Variants in THOC5 observed in about 807,000 individuals in gnomAD.
THOC5 encodes THO complex subunit 5, also known as Fms-interacting protein.
In THOC5, 43 loss-of-function variants were observed where a neutral mutation model predicts 92.9. That is an observed-to-expected ratio of 0.46 (90% CI 0.36 to 0.60). THOC5 has a LOEUF of 0.60. THOC5 is among the 20% of genes least tolerant of loss of function. The pLI, the probability that THOC5 is intolerant of heterozygous loss-of-function variation, is 0.00. For missense variants in THOC5, 659 were observed against 849.4 expected, an observed-to-expected ratio of 0.78 and a Z score of 2.79; for synonymous variants, 296 against 320.1, an observed-to-expected ratio of 0.92 and a Z score of 0.80.
chr22:29,548,161 C>T (rs549259660), intron 2 of THOC5, among the ~76,000 whole-genome samples: 1 of 152,252 alleles, frequency 6.6e-6, no homozygotes, highest in Non-Finnish European at 1.5e-5. Flanking sequence ...CTGGGAGATA[C>T]AATTCAAGTT....
At chr22:29,519,800 T>C (rs892963457) in intron 14 of THOC5, among the ~76,000 whole-genome samples, 1 of 151,974 alleles carries the variant, frequency 6.6e-6, no homozygotes, top group Admixed American at 6.6e-5. Flanking sequence ...ACCCAGCTAA[T>C]TTTTTGTATT....
chr22:29,530,738 T>G (rs143368421), intron 8 of THOC5, among the ~76,000 whole-genome samples: 19 of 151,994 alleles, frequency 1.3e-4, no homozygotes, highest in African/African-American at 4.6e-4. Context: ...CCTCATTGAG[T>G]GATGTCTTGA....
chr22:29,519,011 G>A lies in THOC5; in HGVS notation c.1484C>T (p.Ser495Phe). The A allele has an allele frequency of 1.3e-6, 2 of 1,598,950 alleles. No individual in the cohort carries two copies. Among genetic ancestry groups the A allele is most frequent in the Non-Finnish European group, 1.7e-6 (2 of 1,171,156 alleles). The change falls in exon 15 of 20, where the codon TCC becomes TTC. Residue 495 changes from serine (S) to phenylalanine (F), a missense_variant. Transcript: ENST00000490103. ...SRLALHKQFASLEHGIVPVTS... is the reference protein window; with the variant it reads ...SRLALHKQFAFLEHGIVPVTS... ...CTGCCCCATCATCAGCTTACCTAGGGATGCAAACTGTTTGTGGAGGGCCAG... is the reference window on the plus strand; with the variant it reads ...CTGCCCCATCATCAGCTTACCTAGGAATGCAAACTGTTTGTGGAGGGCCAG...
chr22:29,506,007 G>A lies in THOC5; in HGVS notation c.*2450C>T, dbSNP rs5763287. Reference sequence around the variant, plus strand: ...CCCGAGTGGCTGGGATTACAGGCGCGCACCACCATGCCCAGCTAATTTTTG... The same window carrying A: ...CCCGAGTGGCTGGGATTACAGGCGCACACCACCATGCCCAGCTAATTTTTG... On this transcript the variant is annotated 3_prime_UTR_variant, in exon 20 of 20. Coordinates refer to ENST00000490103, the MANE Select transcript of THOC5 (RefSeq NM_003678.5). The A allele has an allele frequency of 0.2, 29,961 of 151,740 alleles. 3,111 individuals carry two copies. The highest frequency in any genetic ancestry group is 0.24 in the Admixed American group (3,704 of 15,212). The allele number at this position is 151,740 out of a possible 1,614,324, so 9.4% of individuals were successfully genotyped here. A position where few individuals can be genotyped will look rare whatever the true frequency, so the allele number is the denominator to read the frequency against.
At chr22:29,513,222 C>T (rs143229446) in intron 17 of THOC5, among the ~76,000 whole-genome samples, 3 of 152,020 alleles carry the variant, frequency 2.0e-5, no homozygotes, top group African/African-American at 4.8e-5. Flanking sequence ...TGGTGGTGGG[C>T]GACTGTAGTC....
At chr22:29,537,980 T>TTATG in intron 6 of THOC5, among the ~76,000 whole-genome samples, 1 of 151,452 alleles carries the variant, frequency 6.6e-6, no homozygotes, top group East Asian at 1.9e-4. Context: ...ACTTGAAGCA[T>TTATG]TATTTATTTA....
intron 7 of THOC5, chr22:29,534,542 T>G (rs911680490): frequency 7.6e-4 from 72 of 94,312 alleles, no homozygotes; most frequent in African/African-American, 2.1e-3. Flanking sequence ...TTTTCTTCTG[T>G]TTTTTTTTTT....
rs764331730 is a variant in THOC5 at position 29,517,048 on chromosome 22, C to A, written c.1662G>T (p.Ala554=). The change falls in exon 17 of 20, where the codon GCG becomes GCT. Residue 554 remains alanine (A), a synonymous_variant. Transcript: ENST00000490103. ...LAGDTNLYYM[A]LIERGTAKLQ... ...AATTACCTGTGCCCCTTTCGATGAG[C>A]GCCATGTAGTAGAGATTGGTGTCCC... is the stretch of plus-strand genomic sequence containing the variant. 1 of 1,614,160 alleles carries A rather than the reference C, an allele frequency of 6.2e-7. No individual in the cohort carries two copies. Among genetic ancestry groups the A allele is most frequent in the East Asian group, 2.2e-5 (1 of 44,868 alleles).
In THOC5 at chr22:29,512,059, T is replaced by G; in HGVS notation, c.1759A>C (p.Lys587Gln). 1 of 1,614,094 alleles carries G rather than the reference T, an allele frequency of 6.2e-7. No homozygotes were observed. Among genetic ancestry groups the G allele is most frequent in the Non-Finnish European group, 8.5e-7 (1 of 1,179,998 alleles). Residue 587 changes from lysine (K) to glutamine (Q), a missense_variant, in exon 18 of 20, where the codon AAA becomes CAA. Coordinates refer to ENST00000490103, the MANE Select transcript of THOC5 (RefSeq NM_003678.5). ...PPVFQLCLNW[K>Q]GEKTNSNDDN... ...TCGTTGCTGTTGGTTTTCTCCCCTT[T>G]CCAGTTCAAACAGAGCTGGAAAACA... is the stretch of plus-strand genomic sequence containing the variant.
chr22:29,511,380 G>A, intron 18 of THOC5, 84 bp from the exon 19 acceptor site: 1 of 1,472,570 alleles, frequency 6.8e-7, no homozygotes, highest in Middle Eastern at 2.5e-4. Flanking sequence ...CCCTGGATGG[G>A]CCCGAGCGCT....
chr22:29,552,131 G>T (rs1256961655), intron 1 of THOC5, among the ~76,000 whole-genome samples: 1 of 152,088 alleles, frequency 6.6e-6, no homozygotes, highest in Non-Finnish European at 1.5e-5. Context: ...ATCTCGGCTC[G>T]CTACAACCTC....
At chr22:29,525,186 G>A (rs1401996403) in intron 12 of THOC5, among the ~76,000 whole-genome samples, 1 of 152,132 alleles carries the variant, frequency 6.6e-6, no homozygotes, top group East Asian at 1.9e-4. Context: ...TGAGGTAGGA[G>A]GATCACTACA....
chr22:29,508,820 C>T lies in THOC5; in HGVS notation c.1989-300G>A, dbSNP rs555316553. 2.0e-4 allele frequency among the ~76,000 whole-genome samples: 31 copies of T among 151,962 alleles called. 1 individual carries two copies. The highest frequency in any genetic ancestry group is 1.9e-3 in the East Asian group (10 of 5,134). ...TTGTTCCTTTTTTTATTTTTTGAGA[C>T]GGAGTCTCTGTGTCGCCCAGGCTGG... On this transcript the variant is annotated intron_variant, in intron 19 of 19. Coordinates refer to ENST00000490103, the MANE Select transcript of THOC5 (RefSeq NM_003678.5).
chr22:29,511,527 C>A, intron 18 of THOC5: 1 of 533,954 alleles, frequency 1.9e-6, no homozygotes, highest in Non-Finnish European at 3.3e-6. Context: ...ATGCCCACAG[C>A]CAGGAAAACA....
rs2063153781 is a variant in THOC5, at chr22:29,507,941, ACT to A, written c.*514_*515del. 6.3e-6 allele frequency: 1 copy of A among 157,838 alleles called. No individual in the cohort carries two copies. The highest frequency in any genetic ancestry group is 1.4e-5 in the Non-Finnish European group (1 of 71,690). 9.8% of individuals were successfully genotyped at this position (157,838 alleles called of 1,614,324 possible). ...TGAGTTTGTCTTCTGTTTGCACTGC[ACT>A]GTCAGACATTTATAACATCCAACGA... is the stretch of plus-strand genomic sequence containing the variant. On this transcript the variant is annotated 3_prime_UTR_variant, in exon 20 of 20. Transcript: ENST00000490103.
At chr22:29,511,003 G>T in intron 19 of THOC5, 103 bp downstream of exon 19, 1 of 1,257,158 alleles carries the variant, frequency 8.0e-7, no homozygotes, top group Non-Finnish European at 1.1e-6. Context: ...GGCTGCAGGG[G>T]AAGTTTCAGG....
At chr22:29,549,359 A>G (rs1177522446) in intron 1 of THOC5, among the ~76,000 whole-genome samples, 3 of 152,102 alleles carry the variant, frequency 2.0e-5, no homozygotes, top group Admixed American at 2.0e-4. Context: ...TTAAAAAGGC[A>G]TCACCACCCA....
intron 5 of THOC5, among the ~76,000 whole-genome samples, chr22:29,539,899 A>G (rs2063843577): frequency 6.6e-6 from 1 of 152,206 alleles, no homozygotes; most frequent in Non-Finnish European, 1.5e-5. Context: ...TAAGAACAGA[A>G]TGAGGAAGAT....
In THOC5 at chr22:29,533,266, C is replaced by T. The variant is rs200212317; in HGVS notation, c.715-1303G>A. Among the ~76,000 whole-genome samples, 7 of 152,280 alleles carry T rather than the reference C, an allele frequency of 4.6e-5. No individual in the cohort carries two copies. The East Asian group carries it at 1.2e-3, about 25-fold the overall frequency. On this transcript the variant is annotated intron_variant, in intron 7 of 19. Coordinates refer to ENST00000490103, the MANE Select transcript of THOC5 (RefSeq NM_003678.5). ...GAAGAAATAGGTTGGAACTGTGCAT[C>T]GAGACTTCTGATAAAGCCACAGTAA...
Sources: allele counts gnomAD v4.1 joint callset (sites outside exome capture counted in the v4.1 genomes callset), GRCh38; gene constraint gnomAD v4.1.1; transcripts MANE v1.5; gene names NCBI Gene and HGNC (gene_info 2026-07-23, HGNC 2026-07-21).